The following TENM3 variants were observed in gnomAD, a reference collection of about 807,000 sequenced individuals.
TENM3 encodes teneurin-3.
Under a neutral mutation model 255.1 loss-of-function variants are expected in TENM3, and 63 were observed. The observed-to-expected ratio is 0.25, with a 90% CI of 0.20 to 0.30. The LOEUF is 0.30. Ranked by LOEUF, TENM3 falls within the 10% of genes least tolerant of loss-of-function variation. TENM3 has a pLI of 1.00. For missense variants in TENM3, 2,929 were observed against 3,461.1 expected (o/e 0.85, Z 3.86); for synonymous variants, 1,306 against 1,322.3 (o/e 0.99, Z 0.27).
rs1465301008 is a variant in TENM3 at position 182,800,544 on chromosome 4, T to C, written c.*193T>C. 3 of 608,358 alleles carry C rather than the reference T, an allele frequency of 4.9e-6. No homozygotes were observed. In the Admixed American group the frequency reaches 1.0e-4, roughly 21 times the overall value. 37.7% of individuals were successfully genotyped at this position (608,358 alleles called of 1,614,324 possible). A position where few individuals can be genotyped will look rare whatever the true frequency, so the allele number is the denominator to read the frequency against. On this transcript the variant is annotated 3_prime_UTR_variant, in exon 28 of 28. Coordinates refer to ENST00000511685, the MANE Select transcript of TENM3 (RefSeq NM_001080477.4). The stretch of plus-strand genomic sequence containing the variant: ...CTTAAAGGTGATCGGCTTTAACGAA[T>C]ATGTTTACATATGCATAGCGCTGCA...
intron 3 of TENM3, among the ~76,000 whole-genome samples, chr4:182,405,450 T>C (rs1580432276): frequency 6.6e-6 from 1 of 152,364 alleles, no homozygotes; most frequent in South Asian, 2.1e-4. Flanking sequence ...TATGGAACTA[T>C]GCTAGACACT....
the TENM3 span, among the ~76,000 whole-genome samples, chr4:182,087,061 A>G: frequency 6.6e-6 from 1 of 152,190 alleles, no homozygotes; most frequent in African/African-American, 2.4e-5. Flanking sequence ...TGTTTCACAT[A>G]TTCAGAACAG....
chr4:182,641,132 C>T (rs1355185203), intron 5 of TENM3, among the ~76,000 whole-genome samples: 1 of 152,202 alleles, frequency 6.6e-6, no homozygotes, highest in Non-Finnish European at 1.5e-5. Flanking sequence ...ATGAGCTGCT[C>T]GTGCCTACAT....
the TENM3 span, among the ~76,000 whole-genome samples, chr4:182,109,249 T>C: frequency 6.7e-6 from 1 of 148,500 alleles, no homozygotes; most frequent in East Asian, 1.9e-4. Context: ...CTTTACTCTA[T>C]ATAACATATT....
the TENM3 span, among the ~76,000 whole-genome samples, chr4:181,701,662 G>A: frequency 6.6e-6 from 1 of 152,170 alleles, no homozygotes; most frequent in Admixed American, 6.5e-5. Context: ...CCTTTATAGT[G>A]AAAGACTCCT....
intron 1 of TENM3, among the ~76,000 whole-genome samples, chr4:182,289,902 G>A (rs6850580): frequency 0.028 from 4,244 of 152,172 alleles, 198 homozygotes; most frequent in African/African-American, 0.096. Flanking sequence ...TGACGCTCAG[G>A]ACCCCAGGGC....
the TENM3 span, among the ~76,000 whole-genome samples, chr4:181,686,929 TTA>T: frequency 9.2e-5 from 14 of 152,180 alleles, no homozygotes; most frequent in African/African-American, 3.4e-4. Flanking sequence ...CTTTTAAACT[TTA>T]TGTTTTCTTT....
chr4:181,498,689 A>T, the TENM3 span, among the ~76,000 whole-genome samples: 45 of 152,204 alleles, frequency 3.0e-4, no homozygotes, highest in African/African-American at 9.2e-4. Flanking sequence ...GCTCACTGTA[A>T]GGACCAGTAG....
At chr4:181,748,303 T>G in the TENM3 span, among the ~76,000 whole-genome samples, 1 of 152,096 alleles carries the variant, frequency 6.6e-6, no homozygotes, top group African/African-American at 2.4e-5. Flanking sequence ...TATTCTCTTT[T>G]GCATTCTCCG....
chr4:181,771,077 T>C, the TENM3 span, among the ~76,000 whole-genome samples: 1 of 152,316 alleles, frequency 6.6e-6, no homozygotes, highest in Non-Finnish European at 1.5e-5. Context: ...CTCTTAACCA[T>C]TGCACATGCA....
the TENM3 span, among the ~76,000 whole-genome samples, chr4:181,676,437 T>C: frequency 1.3e-5 from 2 of 152,074 alleles, no homozygotes; most frequent in East Asian, 3.9e-4. Context: ...GTAAATTGTG[T>C]GCTGCTGAGG....
the TENM3 span, among the ~76,000 whole-genome samples, chr4:181,711,521 A>C: frequency 2.0e-5 from 3 of 152,240 alleles, no homozygotes; most frequent in Non-Finnish European, 4.4e-5. Flanking sequence ...CCTATTTGAC[A>C]TTTTTAAAAG....
At chr4:181,817,296 G>T in the TENM3 span, among the ~76,000 whole-genome samples, 1 of 152,132 alleles carries the variant, frequency 6.6e-6, no homozygotes, top group Non-Finnish European at 1.5e-5. Flanking sequence ...TGCCACAGGG[G>T]TCATTATAGG....
chr4:181,506,100 A>T, the TENM3 span, among the ~76,000 whole-genome samples: 3 of 152,172 alleles, frequency 2.0e-5, no homozygotes, highest in East Asian at 1.9e-4. Context: ...ATAGCATAGG[A>T]TCTTAAAGTA....
At chr4:181,597,301 CTATT>C in the TENM3 span, among the ~76,000 whole-genome samples, 1 of 152,284 alleles carries the variant, frequency 6.6e-6, no homozygotes, top group African/African-American at 2.4e-5. Flanking sequence ...CAAATTTACT[CTATT>C]TAAGCCTTCC....
At chr4:181,744,700 G>T in the TENM3 span, among the ~76,000 whole-genome samples, 3 of 152,160 alleles carry the variant, frequency 2.0e-5, no homozygotes, top group Non-Finnish European at 4.4e-5. Flanking sequence ...GGAAGAACTG[G>T]TCCCAAGCAG....
intron 12 of TENM3, among the ~76,000 whole-genome samples, chr4:182,696,444 G>A (rs1757418524): frequency 6.6e-6 from 1 of 152,074 alleles, no homozygotes; most frequent in Non-Finnish European, 1.5e-5. Context: ...AATGGATATG[G>A]GGCCGGGCAC....
At chr4:182,616,561 C>A (rs1337167120) in intron 4 of TENM3, among the ~76,000 whole-genome samples, 1 of 139,650 alleles carries the variant, frequency 7.2e-6, no homozygotes, top group Non-Finnish European at 1.5e-5. Context: ...CAAGACCATC[C>A]TGGCTAACAC....
intron 3 of TENM3, among the ~76,000 whole-genome samples, chr4:182,421,799 G>A (rs190742265): frequency 2.0e-5 from 3 of 152,122 alleles, no homozygotes; most frequent in African/African-American, 7.2e-5. Context: ...TTCAATTCTT[G>A]ATTTGCAACT....
Sources: allele counts gnomAD v4.1 joint callset (sites outside exome capture counted in the v4.1 genomes callset), GRCh38; gene constraint gnomAD v4.1.1; transcripts MANE v1.5; gene names NCBI Gene and HGNC (gene_info 2026-07-23, HGNC 2026-07-21).